The following ERAP1 variants were observed in gnomAD, a reference collection of about 807,000 sequenced individuals.
ERAP1 encodes the protein endoplasmic reticulum aminopeptidase 1.
Under a neutral mutation model 103.7 loss-of-function variants are expected in ERAP1, and 86 were observed. The ratio of observed to expected loss-of-function variants is 0.83; its 90% CI spans 0.70 to 0.99. ERAP1 has a LOEUF of 0.99. Among genes scored for constraint, ERAP1 ranks in the 50% least tolerant of loss-of-function variants. The pLI, the probability that ERAP1 is intolerant of heterozygous loss-of-function variation, is 0.00. For synonymous variants in ERAP1, 398 were observed against 402.4 expected, an observed-to-expected ratio of 0.99 and a Z score of 0.13; for missense variants, 1,009 against 1,128.4, an observed-to-expected ratio of 0.89 and a Z score of 1.52.
At chr5:96,880,318 T>A in the ERAP1 span, 1 of 1,454,156 alleles carries the variant, frequency 6.9e-7, no homozygotes, top group Non-Finnish European at 9.3e-7. Flanking sequence ...ACGAGTTACA[T>A]CTCTTTGCCA....
At chr5:96,892,567 T>TA in the ERAP1 span, 1 of 1,218,342 alleles carries the variant, frequency 8.2e-7, no homozygotes, top group African/African-American at 1.5e-5. Context: ...GAGGGGAACT[T>TA]AGAGACTACT....
the ERAP1 span, among the ~76,000 whole-genome samples, chr5:96,862,974 G>A: frequency 6.6e-6 from 1 of 152,182 alleles, no homozygotes; most frequent in East Asian, 1.9e-4. Flanking sequence ...TATCTGGGTT[G>A]AGCAGGGCAT....
At chr5:96,881,538 G>T in the ERAP1 span, 1 of 452,806 alleles carries the variant, frequency 2.2e-6, no homozygotes, top group Non-Finnish European at 4.4e-6. Flanking sequence ...TCAATTGCCA[G>T]TTGGAGAAAT....
chr5:96,778,374 C>T (rs1277515224), intron 18 of ERAP1, among the ~76,000 whole-genome samples: 2 of 152,148 alleles, frequency 1.3e-5, no homozygotes, highest in African/African-American at 4.8e-5. Flanking sequence ...TGATCTGAGC[C>T]GAGACCTCTC....
the ERAP1 span, among the ~76,000 whole-genome samples, chr5:96,868,901 T>G: frequency 6.6e-6 from 1 of 152,096 alleles, no homozygotes. Flanking sequence ...AGTCCTCAAC[T>G]TCATATATCG....
chr5:96,807,991 G>T (rs917550155), upstream of ERAP1: 4 of 985,492 alleles, frequency 4.1e-6, no homozygotes, highest in Non-Finnish European at 3.6e-6. Flanking sequence ...GCTTCGGCCC[G>T]AGCCCTAGCG....
chr5:96,873,196 A>AT, the ERAP1 span: 1 of 379,168 alleles, frequency 2.6e-6, no homozygotes, highest in Admixed American at 3.3e-5. Flanking sequence ...CAAAAAAAAA[A>AT]AATCATGAAA....
chr5:96,854,071 T>C, the ERAP1 span, among the ~76,000 whole-genome samples: 1 of 152,140 alleles, frequency 6.6e-6, no homozygotes, highest in African/African-American at 2.4e-5. Context: ...AATAACCTTG[T>C]TCTAACCATT....
At chr5:96,787,605 T>C (rs138085675) in intron 11 of ERAP1, among the ~76,000 whole-genome samples, 3 of 152,224 alleles carry the variant, frequency 2.0e-5, no homozygotes, top group Non-Finnish European at 2.9e-5. Flanking sequence ...CTGAAACATT[T>C]AGGTGTGAAG....
chr5:96,776,759 CTTTTG>C (rs55857342), intron 18 of ERAP1: 62,967 of 639,214 alleles, frequency 0.099, 3,795 homozygotes, highest in Non-Finnish European at 0.12. Flanking sequence ...GTCTGCAGTT[CTTTTG>C]TTTATTCTCA....
At chr5:96,883,539 C>T in the ERAP1 span, among the ~76,000 whole-genome samples, 1 of 152,130 alleles carries the variant, frequency 6.6e-6, no homozygotes, top group East Asian at 1.9e-4. Context: ...CCTCAATATC[C>T]TTGTTTGACC....
the ERAP1 span, among the ~76,000 whole-genome samples, chr5:96,839,121 T>A: frequency 1.8e-4 from 28 of 152,342 alleles, 1 homozygote; most frequent in South Asian, 3.5e-3. Context: ...ATGAAGACAC[T>A]CACAGGGCAA....
At chr5:96,809,049 C>G (rs1778989918), upstream of ERAP1, among the ~76,000 whole-genome samples, 1 of 152,184 alleles carries the variant, frequency 6.6e-6, no homozygotes, top group Non-Finnish European at 1.5e-5. Context: ...ATTCATGCCT[C>G]CCCTTTTTAG....
chr5:96,775,255 A>C lies in ERAP1; in HGVS notation c.*1141T>G, dbSNP rs958348904. ...TGTGTGCTGAAGCAACCGTGTGTGAAGTCTTCACAAAAGAAAGAAAGACTT... is the reference window on the plus strand; with the variant it reads ...TGTGTGCTGAAGCAACCGTGTGTGACGTCTTCACAAAAGAAAGAAAGACTT... On this transcript the variant is annotated 3_prime_UTR_variant, in exon 19 of 19. Transcript: ENST00000443439. 1.1e-6 allele frequency: 1 copy of C among 903,230 alleles called. No individual in the cohort carries two copies. Among genetic ancestry groups the C allele is most frequent in the Non-Finnish European group, 1.3e-6 (1 of 791,338 alleles). The allele number at this position is 903,230 out of a possible 1,614,324, so 56.0% of individuals were successfully genotyped here.
the ERAP1 span, chr5:96,886,881 G>C: frequency 8.4e-7 from 1 of 1,186,374 alleles, no homozygotes; most frequent in South Asian, 3.1e-5. Flanking sequence ...TGTTATCAAA[G>C]TATTATGTTT....
chr5:96,896,487 G>C, the ERAP1 span: 1 of 1,613,374 alleles, frequency 6.2e-7, no homozygotes, highest in South Asian at 1.1e-5. Flanking sequence ...AATGTTTGAT[G>C]AAGTTTCCTA....
the ERAP1 span, among the ~76,000 whole-genome samples, chr5:96,856,381 G>T: frequency 9.1e-6 from 1 of 109,426 alleles, no homozygotes; most frequent in Non-Finnish European, 1.9e-5. Flanking sequence ...GAGAGAGAGA[G>T]AGAGAGAGAG....
the ERAP1 span, among the ~76,000 whole-genome samples, chr5:96,843,196 A>AC: frequency 6.6e-6 from 1 of 152,152 alleles, no homozygotes; most frequent in African/African-American, 2.4e-5. Context: ...AGCAGCTCAA[A>AC]CGCCTAGTTA....
Position 96,775,092 on chromosome 5 carries a change from T to C in ERAP1, c.*1304A>G, listed in dbSNP as rs1773921157. The C allele has an allele frequency of 2.0e-6, 2 of 985,582 alleles. No individual in the cohort carries two copies. Among genetic ancestry groups the C allele is most frequent in the South Asian group, 9.4e-5 (2 of 21,282 alleles). The allele number at this position is 985,582 out of a possible 1,614,324, so 61.1% of individuals were successfully genotyped here. ...ACACTATGGGTTAGATAAGTCCCTG[T>C]GTAGCAAGTTTTCAGAATAAGAAAT... On this transcript the variant is annotated 3_prime_UTR_variant, in exon 19 of 19. Transcript: ENST00000443439.
Sources: allele counts gnomAD v4.1 joint callset (sites outside exome capture counted in the v4.1 genomes callset), GRCh38; gene constraint gnomAD v4.1.1; transcripts MANE v1.5; gene names NCBI Gene and HGNC (gene_info 2026-07-23, HGNC 2026-07-21).